PLCB1: variants seen among roughly 807,000 people sequenced by gnomAD.
PLCB1 encodes the protein 1-phosphatidylinositol 4,5-bisphosphate phosphodiesterase beta-1.
In PLCB1, 46 loss-of-function variants were observed where a neutral mutation model predicts 161.8. The ratio of observed to expected loss-of-function variants is 0.28; its 90% confidence interval spans 0.22 to 0.36. The LOEUF is 0.36. Among genes scored for constraint, PLCB1 ranks in the 10% least tolerant of loss-of-function variants. The probability of loss-of-function intolerance (pLI) is 1.00; values close to 1 mark genes in which losing one functional copy is unlikely to be tolerated. For missense variants in PLCB1, 1,016 were observed against 1,472.5 expected, an observed-to-expected ratio of 0.69 and a Z score of 5.07; for synonymous variants, 517 against 503.7, an observed-to-expected ratio of 1.03 and a Z score of -0.35.
intron 3 of PLCB1, among the ~76,000 whole-genome samples, chr20:8,427,230 A>G (rs1385564943): frequency 6.6e-6 from 1 of 152,180 alleles, no homozygotes; most frequent in East Asian, 1.9e-4. Context: ...TTATTATATC[A>G]AGATGGTTTT....
At chr20:8,557,467 T>G (rs999945264) in intron 3 of PLCB1, among the ~76,000 whole-genome samples, 2 of 152,076 alleles carry the variant, frequency 1.3e-5, no homozygotes, top group African/African-American at 4.8e-5. Flanking sequence ...TTTGTATGAT[T>G]CCACTCGTAT....
At chr20:8,606,546 A>G (rs1425901251) in intron 3 of PLCB1, among the ~76,000 whole-genome samples, 1 of 152,178 alleles carries the variant, frequency 6.6e-6, no homozygotes, top group African/African-American at 2.4e-5. Context: ...TGCTACCACT[A>G]GTATGATTAC....
intron 3 of PLCB1, among the ~76,000 whole-genome samples, chr20:8,513,639 G>A (rs765344220): frequency 2.0e-5 from 3 of 152,144 alleles, no homozygotes; most frequent in Non-Finnish European, 4.4e-5. Flanking sequence ...AAATATGGTA[G>A]TGTTTTCTAA....
chr20:8,707,471 T>G (rs552543233), intron 11 of PLCB1, among the ~76,000 whole-genome samples: 200 of 152,296 alleles, frequency 1.3e-3, no homozygotes, highest in African/African-American at 4.6e-3. Context: ...AGACTGCACT[T>G]TACTACCAGT....
At chr20:8,648,539 G>C (rs1675713261) in intron 6 of PLCB1, among the ~76,000 whole-genome samples, 1 of 152,084 alleles carries the variant, frequency 6.6e-6, no homozygotes, top group Non-Finnish European at 1.5e-5. Context: ...CAGTACTTAA[G>C]TTCTATTTTT....
intron 27 of PLCB1, among the ~76,000 whole-genome samples, chr20:8,787,007 T>C (rs545086232): frequency 4.5e-4 from 69 of 152,248 alleles, no homozygotes; most frequent in Middle Eastern, 3.4e-3. Context: ...CCCAGCCACA[T>C]GTGAATCTTT....
chr20:8,650,382 A>C (rs1568546562), intron 7 of PLCB1, among the ~76,000 whole-genome samples: 1 of 152,184 alleles, frequency 6.6e-6, no homozygotes, highest in African/African-American at 2.4e-5. Flanking sequence ...CCAATGACCC[A>C]AAAATTGCCA....
intron 3 of PLCB1, among the ~76,000 whole-genome samples, chr20:8,503,923 G>T (rs1048463422): frequency 6.6e-6 from 1 of 152,096 alleles, no homozygotes; most frequent in Non-Finnish European, 1.5e-5. Context: ...ACAAGCATAT[G>T]GTGGAGAAAA....
chr20:8,212,498 A>G (rs564393830), intron 2 of PLCB1, among the ~76,000 whole-genome samples: 2 of 145,538 alleles, frequency 1.4e-5, no homozygotes, highest in South Asian at 4.6e-4. Flanking sequence ...TCAAGTAAAC[A>G]TGTCTCTGAG....
chr20:8,819,182 G>A (rs993150824), intron 31 of PLCB1, among the ~76,000 whole-genome samples: 4 of 152,096 alleles, frequency 2.6e-5, no homozygotes, highest in African/African-American at 9.7e-5. Context: ...CTTTAACATT[G>A]GCACAAATAT....
intron 31 of PLCB1, among the ~76,000 whole-genome samples, chr20:8,871,560 T>C (rs1987610190): frequency 6.6e-6 from 1 of 152,206 alleles, no homozygotes; most frequent in Admixed American, 6.5e-5. Flanking sequence ...TTTCCCCGTA[T>C]CCATTGCTTG....
At chr20:8,393,270 C>T (rs542569686) in intron 3 of PLCB1, among the ~76,000 whole-genome samples, 2 of 152,290 alleles carry the variant, frequency 1.3e-5, no homozygotes, top group Non-Finnish European at 2.9e-5. Context: ...ATGGGCATAG[C>T]TCTGTGAACA....
intron 9 of PLCB1, among the ~76,000 whole-genome samples, chr20:8,658,968 A>G (rs1365917309): frequency 6.6e-6 from 1 of 152,168 alleles, no homozygotes; most frequent in Admixed American, 6.6e-5. Context: ...TTTCAAATTC[A>G]CGCAGTGACT....
intron 31 of PLCB1, among the ~76,000 whole-genome samples, chr20:8,830,403 T>C (rs2146276398): frequency 6.6e-6 from 1 of 152,288 alleles, no homozygotes; most frequent in South Asian, 2.1e-4. Context: ...TTTAGCAGAA[T>C]CTCTTTGCAT....
chr20:8,839,862 C>T (rs1009970324), intron 31 of PLCB1, among the ~76,000 whole-genome samples: 2 of 151,792 alleles, frequency 1.3e-5, no homozygotes, highest in African/African-American at 2.4e-5. Flanking sequence ...AAAGCCCGGT[C>T]TCTACTAAAA....
intron 3 of PLCB1, among the ~76,000 whole-genome samples, chr20:8,530,036 C>T (rs1037208491): frequency 1.6e-4 from 24 of 152,124 alleles, no homozygotes; most frequent in Non-Finnish European, 3.2e-4. Context: ...CAGTGTCAAG[C>T]TTTTCAATCT....
At chr20:8,471,370 G>A (rs1011511161) in intron 3 of PLCB1, among the ~76,000 whole-genome samples, 10 of 152,114 alleles carry the variant, frequency 6.6e-5, no homozygotes, top group Admixed American at 2.6e-4. Context: ...CTTGTGTTCT[G>A]TGGAACACAC....
At chr20:8,287,276 G>A (rs535489996) in intron 2 of PLCB1, among the ~76,000 whole-genome samples, 21 of 151,644 alleles carry the variant, frequency 1.4e-4, no homozygotes, top group African/African-American at 4.4e-4. Flanking sequence ...TGATGTTGTA[G>A]TAGCCTGTGA....
At chr20:8,538,831 T>A (rs1985158683) in intron 3 of PLCB1, among the ~76,000 whole-genome samples, 2 of 151,196 alleles carry the variant, frequency 1.3e-5, no homozygotes, top group South Asian at 4.2e-4. Context: ...TCCCACTGTG[T>A]CACCCAGGCT....
Sources: gnomAD v4.1 joint callset for allele counts (sites outside exome capture counted in the v4.1 genomes callset) on GRCh38, gnomAD v4.1.1 for gene constraint, MANE v1.5 for transcripts, NCBI Gene and HGNC (gene_info 2026-07-23, HGNC 2026-07-21) for gene names.